The following HMCN2 variants were observed in gnomAD, a reference collection of about 807,000 sequenced individuals.
The protein encoded by HMCN2 is hemicentin-2.
Under a neutral mutation model 377.5 loss-of-function variants are expected in HMCN2, and 325 were observed. The ratio of observed to expected loss-of-function variants is 0.86; its 90% CI spans 0.79 to 0.94. HMCN2 has a LOEUF of 0.94. HMCN2 is among the 40% of genes least tolerant of loss of function. HMCN2 has a pLI of 0.00. For synonymous variants in HMCN2, 2,007 were observed against 2,046.8 expected, an observed-to-expected ratio of 0.98 and a Z score of 0.53; for missense variants, 4,543 against 4,725.3, an observed-to-expected ratio of 0.96 and a Z score of 1.13.
chr9:130,394,138 C>A lies in HMCN2; in HGVS notation c.10501+130C>A. On this transcript the variant is annotated intron_variant, in intron 68 of 97. Coordinates refer to ENST00000683500, the MANE Select transcript of HMCN2 (RefSeq NM_001291815.2). The surrounding 1 kb of genome is among the most constrained non-coding windows in gnomAD (Gnocchi z 5.1). ...GGGACTGCCACCTGGGAGCAGAACTCAGGGAACTTGGTTCTGGCTGGGATG... is the reference window on the plus strand; with the variant it reads ...GGGACTGCCACCTGGGAGCAGAACTAAGGGAACTTGGTTCTGGCTGGGATG... 1 of 919,376 alleles carries A rather than the reference C, an allele frequency of 1.1e-6. No individual in the cohort carries two copies. Among genetic ancestry groups the A allele is most frequent in the Non-Finnish European group, 1.4e-6 (1 of 697,222 alleles). The allele number at this position is 919,376 out of a possible 1,614,324, so 57.0% of individuals were successfully genotyped here. A position where few individuals can be genotyped will look rare whatever the true frequency, so the allele number is the denominator to read the frequency against.
chr9:130,406,510 GTCC>G (rs1186321336), intron 82 of HMCN2: 1 of 270,918 alleles, frequency 3.7e-6, no homozygotes, highest in South Asian at 4.0e-5. Context: ...TGGGGACTCT[GTCC>G]TCCTACCGGA....
chr9:130,431,539 C>A, intron 96 of HMCN2, 53 bp downstream of exon 96: 1 of 1,530,818 alleles, frequency 6.5e-7, no homozygotes, highest in Non-Finnish European at 8.8e-7. Flanking sequence ...GGGCAGGCAG[C>A]GTGGGATGGG....
intron 37 of HMCN2, among the ~76,000 whole-genome samples, chr9:130,359,650 C>CTTCA (rs1840253143): frequency 6.6e-6 from 1 of 152,230 alleles, no homozygotes; most frequent in African/African-American, 2.4e-5. Context: ...TCACAGTAAG[C>CTTCA]TTCACAGGGC....
At chr9:130,382,891 T>C (rs1193788019) in intron 56 of HMCN2, 25 bp downstream of exon 56, 2 of 983,766 alleles carry the variant, frequency 2.0e-6, no homozygotes, top group Non-Finnish European at 2.4e-6. Flanking sequence ...CTGCACGGGC[T>C]AGGGGCAGTG....
chr9:130,322,290 C>T (rs1034005357), intron 19 of HMCN2, among the ~76,000 whole-genome samples: 133,938 of 152,054 alleles, frequency 0.88, 59,304 homozygotes, highest in East Asian at 0.97. Flanking sequence ...TTATAAATTA[C>T]ATAAAAATTA....
Position 130,391,497 on chromosome 9 carries a change from C to A in HMCN2, c.9875C>A (p.Ser3292Ter). ...GSLVLKGLRA[S>*]DAGAYTCVAH... ...CTGGTGCTAAAAGGCCTGAGGGCCT[C>A]GGACGCGGGTGCCTACACCTGCGTG... The change falls in exon 65 of 98, where the codon TCG becomes TAG. Residue 3292 changes from serine (S) to a stop codon, truncating the protein, a stop_gained. Coordinates refer to ENST00000683500, the MANE Select transcript of HMCN2 (RefSeq NM_001291815.2). LOFTEE classifies it high-confidence loss of function. 1 of 987,840 alleles carries A rather than the reference C, an allele frequency of 1.0e-6. No homozygotes were observed. 61.2% of individuals were successfully genotyped at this position (987,840 alleles called of 1,614,324 possible).
chr9:130,350,752 C>T (rs1455832532), intron 29 of HMCN2, among the ~76,000 whole-genome samples: 25 of 150,098 alleles, frequency 1.7e-4, no homozygotes, highest in South Asian at 4.3e-4. Context: ...TATATATATA[C>T]GGGCATGGTG....
intron 26 of HMCN2, 156 bp from the exon 27 acceptor site, chr9:130,348,389 G>C: frequency 1.0e-6 from 1 of 962,006 alleles, no homozygotes; most frequent in Non-Finnish European, 1.2e-6. Context: ...GCGGCCATCT[G>C]CAGGTCCACA....
chr9:130,348,154 C>A, intron 26 of HMCN2: 1 of 584,300 alleles, frequency 1.7e-6, no homozygotes, highest in Non-Finnish European at 2.2e-6. Flanking sequence ...CTCTGGCTAG[C>A]CCTGTAATGA....
At chr9:130,427,875 C>A (rs1215640997) in intron 92 of HMCN2, among the ~76,000 whole-genome samples, 1 of 152,220 alleles carries the variant, frequency 6.6e-6, no homozygotes, top group African/African-American at 2.4e-5. Context: ...TGGGCGGCTA[C>A]ACATGCTCAC....
In HMCN2 at chr9:130,398,697, G is replaced by A. The variant is rs749710438; in HGVS notation, c.11473G>A (p.Gly3825Ser). ...GQKLDFRLQQ[G>S]AYRLLPSNAL... is the part of the protein sequence containing the mutation. ...GAAGCTGGACTTCCGCCTGCAGCAG[G>A]GCGCCTACCGGTAACGAGCTGGACT... is the stretch of plus-strand genomic sequence containing the variant. The change falls in exon 75 of 98, where the codon GGC (glycine) becomes AGC (serine). Residue 3825 changes from glycine (G) to serine (S), a missense_variant. This residue lies in a region of HMCN2 where 1,073 missense variants were observed against 1,319.5 expected (regional missense o/e 0.81). Coordinates refer to ENST00000683500, the MANE Select transcript of HMCN2 (RefSeq NM_001291815.2). 7.8e-7 allele frequency: 1 copy of A among 1,289,406 alleles called. No homozygotes were observed. The highest frequency in any genetic ancestry group is 1.2e-5 in the South Asian group (1 of 80,960). 79.9% of individuals were successfully genotyped at this position (1,289,406 alleles called of 1,614,324 possible). A position where few individuals can be genotyped will look rare whatever the true frequency, so the allele number is the denominator to read the frequency against.
At chr9:130,384,290 G>A (rs1361201628) in intron 57 of HMCN2, 83 bp from the exon 58 acceptor site, 2 of 1,148,108 alleles carry the variant, frequency 1.7e-6, no homozygotes, top group African/African-American at 1.6e-5. Flanking sequence ...AGCTGGGTGA[G>A]GCTCAGGGTT....
rs145995525 is a variant in HMCN2 at position 130,352,798 on chromosome 9, C to A, written c.4586-129C>A. 1,744 of 700,418 alleles carry A rather than the reference C, an allele frequency of 2.5e-3. 96 individuals carry two copies. The Admixed American group carries it at 0.064, about 26-fold the overall frequency. The allele number at this position is 700,418 out of a possible 1,614,324, so 43.4% of individuals were successfully genotyped here. ...ACCCCTCCCCTCCTTGTCCACCATG[C>A]CTTCCCTGCCCCCGCAATGGAAGCC... On this transcript the variant is annotated intron_variant, in intron 30 of 97. Transcript: ENST00000683500.
rs1564891685 is a variant in HMCN2, at chr9:130,432,466, AC to A, written c.14808del (p.Gly4937AlafsTer155). ...ECEEESIECG[P>X]GQMCFNTRGS... ...GCGAGGAGGAGAGCATCGAGTGTGG[AC>A]CCGGCCAGATGTGCTTCAACACCCG... On this transcript the variant is annotated frameshift_variant, in exon 97 of 98. Coordinates refer to ENST00000683500, the MANE Select transcript of HMCN2 (RefSeq NM_001291815.2). LOFTEE classifies it high-confidence loss of function. 6.4e-7 allele frequency: 1 copy of A among 1,550,882 alleles called. No homozygotes were observed. The highest frequency in any genetic ancestry group is 8.7e-7 in the Non-Finnish European group (1 of 1,147,052).
intron 23 of HMCN2, among the ~76,000 whole-genome samples, chr9:130,339,323 G>A (rs1838928191): frequency 1.3e-5 from 2 of 152,198 alleles, no homozygotes; most frequent in Admixed American, 6.5e-5. Flanking sequence ...GAGCCTGCCT[G>A]GCCTCACAGC....
At chr9:130,298,849 T>C (rs1296185674) in intron 7 of HMCN2, among the ~76,000 whole-genome samples, 176 bp from the exon 8 acceptor site, 2 of 152,128 alleles carry the variant, frequency 1.3e-5, no homozygotes, top group African/African-American at 4.8e-5. Flanking sequence ...AAGGTCCCTA[T>C]CTACCTATCC....
intron 65 of HMCN2, 133 bp from the exon 66 acceptor site, chr9:130,391,802 T>A: frequency 1.8e-6 from 1 of 563,668 alleles, no homozygotes; most frequent in Non-Finnish European, 2.2e-6. Flanking sequence ...GCAGCGGGCC[T>A]CATCCTTCAC....
In HMCN2 at chr9:130,362,174, G is replaced by A; in HGVS notation, c.6108+9G>A. ...GGACCCCTGGCCTGCAGGTCAGTAG[G>A]GCTGGGTGGCCCCGGCTCAACCTCC... is the stretch of plus-strand genomic sequence containing the variant. On this transcript the variant is annotated intron_variant, in intron 39 of 97. Transcript: ENST00000683500. The A allele has an allele frequency of 1.0e-6, 1 of 985,926 alleles. No homozygotes were observed. The highest frequency in any genetic ancestry group is 1.2e-6 in the Non-Finnish European group (1 of 829,964). 61.1% of individuals were successfully genotyped at this position (985,926 alleles called of 1,614,324 possible). A position where few individuals can be genotyped will look rare whatever the true frequency, so the allele number is the denominator to read the frequency against.
At position 130,393,960 on chromosome 9, in the gene HMCN2, G is replaced by A. The variant is rs181428257; in HGVS notation, c.10453G>A (p.Val3485Met). 3.0e-3 allele frequency: 3,868 copies of A among 1,285,264 alleles called. 5 individuals are homozygous for A. Among genetic ancestry groups the A allele is most frequent in the Non-Finnish European group, 3.6e-3 (3,595 of 987,230 alleles). 79.6% of individuals were successfully genotyped at this position (1,285,264 alleles called of 1,614,324 possible). A position where few individuals can be genotyped will look rare whatever the true frequency, so the allele number is the denominator to read the frequency against. The change falls in exon 68 of 98, where the codon GTG (valine) becomes ATG (methionine). Residue 3485 changes from valine (V) to methionine (M), a missense_variant. By Grantham distance (21) the Val-to-Met change is conservative. This residue lies in a region of HMCN2 where 1,073 missense variants were observed against 1,319.5 expected (regional missense o/e 0.81). Transcript: ENST00000683500. The surrounding 1 kb of genome is among the most constrained non-coding windows in gnomAD (Gnocchi z 5.2). ...GDSGTYSCVA[V>M]SEAGEARRHF... ...CTCGGGGACCTACTCCTGTGTGGCC[G>A]TGAGCGAGGCGGGGGAAGCCAGGAG...
Sources: gnomAD v4.1 joint callset for allele counts (sites outside exome capture counted in the v4.1 genomes callset) on GRCh38, gnomAD v4.1.1 for gene constraint, gnomAD v4.1.1 regional missense constraint, Gnocchi (gnomAD v3.1) non-coding constraint, MANE v1.5 for transcripts, NCBI Gene and HGNC (gene_info 2026-07-23, HGNC 2026-07-21) for gene names.